The following ZNF562 variants were observed in gnomAD, a reference collection of about 807,000 sequenced individuals.
The protein encoded by ZNF562 is zinc finger protein 562.
Under a neutral mutation model 17.5 loss-of-function variants are expected in ZNF562, and 13 were observed. The observed-to-expected ratio is 0.74, with a 90% CI of 0.48 to 1.18. ZNF562 has a LOEUF of 1.18. ZNF562 is among the 50% of genes most tolerant of loss of function. ZNF562 has a pLI of 0.00. For synonymous variants in ZNF562, 163 were observed against 165.4 expected (o/e 0.99, Z 0.11); for missense variants, 481 against 498.5 (o/e 0.96, Z 0.33).
chr19:9,647,811 A>T lies in ZNF562; in HGVS notation c.*5138T>A, dbSNP rs981188303. On this transcript the variant is annotated 3_prime_UTR_variant, in exon 6 of 6. Coordinates refer to ENST00000453372, the MANE Select transcript of ZNF562 (RefSeq NM_001130031.2). The stretch of plus-strand genomic sequence containing the variant: ...ATTTGCAGTAAGTTGAGATCACACC[A>T]TTGCACTCCAGCCTGGGCAACGAGT... The T allele has an allele frequency of 6.6e-6, 1 of 152,226 alleles. No individual in the cohort carries two copies. The highest frequency in any genetic ancestry group is 2.4e-5 in the African/African-American group (1 of 41,454). The allele number at this position is 152,226 out of a possible 1,614,324, so 9.4% of individuals were successfully genotyped here. A position where few individuals can be genotyped will look rare whatever the true frequency, so the allele number is the denominator to read the frequency against.
intron 1 of ZNF562, among the ~76,000 whole-genome samples, chr19:9,667,026 G>A (rs1016283560): frequency 1.4e-5 from 2 of 140,880 alleles, no homozygotes; most frequent in Non-Finnish European, 3.0e-5. Flanking sequence ...TACAAGGTGA[G>A]CATTATTCTC....
chr19:9,671,697 G>A (rs941201137), intron 1 of ZNF562, among the ~76,000 whole-genome samples: 6 of 152,202 alleles, frequency 3.9e-5, no homozygotes, highest in African/African-American at 1.4e-4. Flanking sequence ...GATACTCAAC[G>A]TGTCCATGTT....
At chr19:9,661,611 T>C (rs909328438) in intron 1 of ZNF562, among the ~76,000 whole-genome samples, 2 of 152,060 alleles carry the variant, frequency 1.3e-5, no homozygotes, top group South Asian at 2.1e-4. Flanking sequence ...CTGGCCAACA[T>C]AGTGAAACCC....
chr19:9,663,689 T>C (rs911182123), intron 1 of ZNF562, among the ~76,000 whole-genome samples: 23 of 152,062 alleles, frequency 1.5e-4, no homozygotes, highest in Admixed American at 1.1e-3. Flanking sequence ...TTTTCTTTTT[T>C]TTTCTGAGAC....
chr19:9,664,854 A>G (rs2043887211), intron 1 of ZNF562, among the ~76,000 whole-genome samples: 1 of 152,002 alleles, frequency 6.6e-6, no homozygotes, highest in Non-Finnish European at 1.5e-5. Context: ...CAAAAAGAAA[A>G]GAAAAGAAAA....
At chr19:9,663,760 G>A (rs1021489014) in intron 1 of ZNF562, among the ~76,000 whole-genome samples, 8 of 150,768 alleles carry the variant, frequency 5.3e-5, no homozygotes, top group African/African-American at 1.2e-4. Flanking sequence ...CACTGCAGCC[G>A]CCGCCTCCCA....
At position 9,650,594 on chromosome 19, in the gene ZNF562, G is replaced by A. The variant is rs534031412; in HGVS notation, c.*2355C>T. 2.0e-5 allele frequency: 3 copies of A among 152,296 alleles called. No homozygotes were observed. The East Asian group carries it at 5.8e-4, about 29-fold the overall frequency. 9.4% of individuals were successfully genotyped at this position (152,296 alleles called of 1,614,324 possible). A position where few individuals can be genotyped will look rare whatever the true frequency, so the allele number is the denominator to read the frequency against. On this transcript the variant is annotated 3_prime_UTR_variant, in exon 6 of 6. Coordinates refer to ENST00000453372, the MANE Select transcript of ZNF562 (RefSeq NM_001130031.2). ...CATGCCAGGAAGAGAGCTCTCACTA[G>A]AGGTTGACCATGCTGGCACTCTGAT...
At chr19:9,655,324 A>C (rs1316638489) in intron 5 of ZNF562, among the ~76,000 whole-genome samples, 2 of 151,974 alleles carry the variant, frequency 1.3e-5, no homozygotes, top group Admixed American at 6.6e-5. Context: ...TTAAATCCTC[A>C]ATGTCTAGTT....
chr19:9,672,193 T>C (rs2044221096), intron 1 of ZNF562, among the ~76,000 whole-genome samples: 1 of 152,174 alleles, frequency 6.6e-6, no homozygotes, highest in African/African-American at 2.4e-5. Flanking sequence ...TGCAAAAATC[T>C]TGAATGGATC....
At chr19:9,674,485 A>T (rs2044325227) in intron 1 of ZNF562, 1 of 151,932 alleles carries the variant, frequency 6.6e-6, no homozygotes, top group Non-Finnish European at 1.5e-5. Context: ...ACTGCACTCC[A>T]GCGTGGGCGA....
intron 5 of ZNF562, among the ~76,000 whole-genome samples, chr19:9,656,107 C>T (rs2043473353): frequency 6.6e-6 from 1 of 152,070 alleles, no homozygotes; most frequent in Non-Finnish European, 1.5e-5. Context: ...AAATGATGAT[C>T]CCACCTCAGC....
At chr19:9,656,695 A>T in intron 4 of ZNF562, 42 bp from the exon 5 acceptor site, 4 of 1,583,440 alleles carry the variant, frequency 2.5e-6, no homozygotes, top group Non-Finnish European at 3.5e-6. Context: ...AAAATTAGTC[A>T]TTTGTCCTTG....
chr19:9,673,709 CA>C (rs1239144110), intron 1 of ZNF562, among the ~76,000 whole-genome samples: 5 of 152,132 alleles, frequency 3.3e-5, no homozygotes, highest in Non-Finnish European at 5.9e-5. Flanking sequence ...TATTTACATA[CA>C]AAAACGGGCA....
intron 1 of ZNF562, among the ~76,000 whole-genome samples, chr19:9,668,965 A>G (rs1038148886): frequency 6.6e-6 from 1 of 152,186 alleles, no homozygotes; most frequent in Non-Finnish European, 1.5e-5. Flanking sequence ...AAAAAAAGTC[A>G]AAACAGATTA....
chr19:9,661,772 G>C (rs545902236), intron 1 of ZNF562, among the ~76,000 whole-genome samples: 2 of 152,126 alleles, frequency 1.3e-5, no homozygotes, highest in African/African-American at 4.8e-5. Context: ...TCCAGCCCAG[G>C]TGACAGTGCG....
chr19:9,647,391 T>A lies in ZNF562; in HGVS notation c.*5558A>T, dbSNP rs902619455. 13 of 152,018 alleles carry A rather than the reference T, an allele frequency of 8.6e-5. No individual in the cohort carries two copies. The highest frequency in any genetic ancestry group is 3.1e-4 in the African/African-American group (13 of 41,388). The allele number at this position is 152,018 out of a possible 1,614,324, so 9.4% of individuals were successfully genotyped here. A position where few individuals can be genotyped will look rare whatever the true frequency, so the allele number is the denominator to read the frequency against. Reference sequence around the variant, plus strand: ...CACCACTCCCAGCCTGATAACTGTTTTATTTATTTATTTTTATTTTTTTGG... The same window carrying A: ...CACCACTCCCAGCCTGATAACTGTTATATTTATTTATTTTTATTTTTTTGG... On this transcript the variant is annotated 3_prime_UTR_variant, in exon 6 of 6. Coordinates refer to ENST00000453372, the MANE Select transcript of ZNF562 (RefSeq NM_001130031.2).
At chr19:9,656,493 A>G in intron 5 of ZNF562, 54 bp downstream of exon 5, 1 of 1,594,464 alleles carries the variant, frequency 6.3e-7, no homozygotes, top group East Asian at 2.2e-5. Context: ...TGGCAGAGCA[A>G]GACTCCGTCT....
chr19:9,659,493 G>T (rs1056188885), intron 2 of ZNF562, 26 bp from the exon 3 acceptor site: 8 of 1,548,152 alleles, frequency 5.2e-6, no homozygotes, highest in Middle Eastern at 1.7e-4. Context: ...GAAGGCATGA[G>T]AAGCCAGAGC....
At chr19:9,667,700 C>A (rs1463856936) in intron 1 of ZNF562, among the ~76,000 whole-genome samples, 2 of 152,104 alleles carry the variant, frequency 1.3e-5, no homozygotes, top group Non-Finnish European at 1.5e-5. Flanking sequence ...AAGTGATACT[C>A]CTGCCTCAGC....
Sources: allele counts gnomAD v4.1 joint callset (sites outside exome capture counted in the v4.1 genomes callset), GRCh38; gene constraint gnomAD v4.1.1; transcripts MANE v1.5; gene names NCBI Gene and HGNC (gene_info 2026-07-23, HGNC 2026-07-21).